SAMD12: variants seen among roughly 807,000 people sequenced by gnomAD.
SAMD12 encodes the protein sterile alpha motif domain-containing protein 12.
Under a neutral mutation model 15.0 loss-of-function variants are expected in SAMD12, and 9 were observed. That is an observed-to-expected ratio of 0.60 (90% CI 0.36 to 1.05). SAMD12 has a LOEUF of 1.05. Ranked by LOEUF, SAMD12 falls within the 50% of genes least tolerant of loss-of-function variation. SAMD12 has a pLI of 0.01. For missense variants in SAMD12, 230 were observed against 234.2 expected (o/e 0.98, Z 0.12); for synonymous variants, 86 against 90.1 (o/e 0.96, Z 0.25).
chr8:118,332,516 A>C (rs1458004098), intron 4 of SAMD12, among the ~76,000 whole-genome samples: 1 of 152,190 alleles, frequency 6.6e-6, no homozygotes, highest in African/African-American at 2.4e-5. Context: ...CACAACACTG[A>C]TTACTCTTTA....
chr8:118,380,179 A>G (rs1320688054), intron 3 of SAMD12, among the ~76,000 whole-genome samples: 2 of 152,184 alleles, frequency 1.3e-5, no homozygotes, highest in Non-Finnish European at 2.9e-5. Context: ...AACACAGGAT[A>G]TAATAACATT....
intron 3 of SAMD12, among the ~76,000 whole-genome samples, chr8:118,400,984 A>T (rs1485301258): frequency 6.6e-6 from 1 of 152,250 alleles, no homozygotes; most frequent in African/African-American, 2.4e-5. Flanking sequence ...TTACAACTTC[A>T]CTATTACAGT....
At chr8:118,584,784 T>C (rs941458097) in intron 1 of SAMD12, among the ~76,000 whole-genome samples, 3 of 152,106 alleles carry the variant, frequency 2.0e-5, no homozygotes, top group Non-Finnish European at 4.4e-5. Flanking sequence ...AAAAACCTAC[T>C]TCCCCAGAAA....
chr8:118,447,632 A>G (rs1822953261), intron 2 of SAMD12, among the ~76,000 whole-genome samples: 1 of 150,578 alleles, frequency 6.6e-6, no homozygotes, highest in Admixed American at 6.6e-5. Context: ...ATGACTTACA[A>G]AGGCTCACTT....
At chr8:118,145,971 CT>C in the SAMD12 span, among the ~76,000 whole-genome samples, 158 of 152,316 alleles carry the variant, frequency 1.0e-3, 2 homozygotes, top group African/African-American at 3.5e-3. Context: ...CCAGTTCTTT[CT>C]TGAAGGGAGA....
exon 5 of SAMD12, chr8:118,190,745 C>A (rs1819344973): frequency 6.6e-6 from 1 of 152,150 alleles, no homozygotes; most frequent in South Asian, 2.1e-4. Context: ...ATTTTAGCCT[C>A]CAAACAACCC....
chr8:118,396,594 C>T (rs953167273), intron 3 of SAMD12, among the ~76,000 whole-genome samples: 1 of 152,176 alleles, frequency 6.6e-6, no homozygotes, highest in African/African-American at 2.4e-5. Context: ...CTATCATCCT[C>T]ATTTTAAAGT....
intron 4 of SAMD12, among the ~76,000 whole-genome samples, chr8:118,299,652 A>G (rs28365518): frequency 5.3e-5 from 8 of 152,154 alleles, no homozygotes; most frequent in Non-Finnish European, 7.4e-5. Flanking sequence ...TGTGAGTAGA[A>G]CCAGTTTGAG....
chr8:118,462,399 G>A (rs1823449064), intron 2 of SAMD12, among the ~76,000 whole-genome samples: 1 of 152,174 alleles, frequency 6.6e-6, no homozygotes, highest in South Asian at 2.1e-4. Context: ...TGTGCTGAAT[G>A]TCAATTATAT....
chr8:118,350,765 A>G (rs1244047570), intron 4 of SAMD12, among the ~76,000 whole-genome samples: 2 of 152,196 alleles, frequency 1.3e-5, no homozygotes, highest in Non-Finnish European at 2.9e-5. Flanking sequence ...TTGCTTCAAA[A>G]CAGATATTCT....
At chr8:118,339,774 C>G (rs1368110383) in intron 4 of SAMD12, among the ~76,000 whole-genome samples, 1 of 152,262 alleles carries the variant, frequency 6.6e-6, no homozygotes, top group Non-Finnish European at 1.5e-5. Flanking sequence ...GAGAGGCTGT[C>G]TCTTCAGAGC....
chr8:118,275,700 G>C (rs538208710), intron 4 of SAMD12, among the ~76,000 whole-genome samples: 3 of 152,060 alleles, frequency 2.0e-5, no homozygotes, highest in Non-Finnish European at 4.4e-5. Flanking sequence ...TTCAGTCTTT[G>C]ACCCCATCCC....
intron 4 of SAMD12, among the ~76,000 whole-genome samples, chr8:118,343,355 A>T (rs550890807): frequency 6.7e-6 from 1 of 150,272 alleles, no homozygotes; most frequent in East Asian, 2.0e-4. Context: ...AATAAAAGGT[A>T]GTTTTGGAGG....
the SAMD12 span, among the ~76,000 whole-genome samples, chr8:118,173,602 TTATTA>T: frequency 1.4e-5 from 2 of 147,644 alleles, no homozygotes; most frequent in East Asian, 3.9e-4. Flanking sequence ...ATATTTATAT[TTATTA>T]TATTAAATTA....
chr8:118,338,367 C>A (rs971497637), intron 4 of SAMD12, among the ~76,000 whole-genome samples: 3 of 152,188 alleles, frequency 2.0e-5, no homozygotes, highest in African/African-American at 7.2e-5. Flanking sequence ...TTAATAGTTT[C>A]TGCAGCTATT....
At chr8:118,535,176 C>T (rs572658664) in intron 2 of SAMD12, among the ~76,000 whole-genome samples, 4 of 152,252 alleles carry the variant, frequency 2.6e-5, no homozygotes, top group African/African-American at 9.6e-5. Flanking sequence ...AGTCAGGACC[C>T]TCAGCCGCAG....
chr8:118,498,280 T>C (rs1010595812), intron 2 of SAMD12, among the ~76,000 whole-genome samples: 16 of 152,200 alleles, frequency 1.1e-4, no homozygotes, highest in Non-Finnish European at 1.9e-4. Context: ...GAGATGCTGT[T>C]CCCTTGAAGA....
rs533331077 is a variant in SAMD12 at position 118,438,561 on chromosome 8, G to A, written c.322+1271C>T. On this transcript the variant is annotated intron_variant, in intron 3 of 3. Coordinates refer to ENST00000314727, the MANE Select transcript of SAMD12 (RefSeq NM_207506.3). ...CACCCACATCCCTTTGGCAGTCAAG[G>A]GCTCCATGAAACACACATAGAAAAC... 2.6e-5 allele frequency among the ~76,000 whole-genome samples: 4 copies of A among 152,032 alleles called. No homozygotes were observed. The South Asian group carries it at 8.3e-4, about 32-fold the overall frequency.
intron 4 of SAMD12, among the ~76,000 whole-genome samples, chr8:118,236,982 C>T (rs992743907): frequency 2.0e-5 from 3 of 152,106 alleles, no homozygotes; most frequent in African/African-American, 7.3e-5. Context: ...GCTCTGCCAC[C>T]TCTGAACTGT....
Sources: allele counts gnomAD v4.1 joint callset (sites outside exome capture counted in the v4.1 genomes callset), GRCh38; gene constraint gnomAD v4.1.1; transcripts MANE v1.5; gene names NCBI Gene and HGNC (gene_info 2026-07-23, HGNC 2026-07-21).